PRRC2C: variants seen among roughly 807,000 people sequenced by gnomAD.
PRRC2C encodes protein PRRC2C.
In PRRC2C, 72 loss-of-function variants were observed where a neutral mutation model predicts 317.2. That is an observed-to-expected ratio of 0.23 (90% CI 0.19 to 0.28). PRRC2C has a LOEUF of 0.28. Among genes scored for constraint, PRRC2C ranks in the 10% least tolerant of loss-of-function variants. PRRC2C has a pLI of 1.00. For missense variants in PRRC2C, 3,074 were observed against 3,459.7 expected, an observed-to-expected ratio of 0.89 and a Z score of 2.80; for synonymous variants, 1,296 against 1,205.9, an observed-to-expected ratio of 1.07 and a Z score of -1.55.
chr1:171,546,662 C>G (rs963963731), intron 17 of PRRC2C, among the ~76,000 whole-genome samples: 1 of 152,150 alleles, frequency 6.6e-6, no homozygotes, highest in Non-Finnish European at 1.5e-5. Flanking sequence ...TACAGTGATG[C>G]AATCTCGGCT....
intron 3 of PRRC2C, 140 bp from the exon 4 acceptor site, chr1:171,514,396 G>A: frequency 1.5e-6 from 1 of 659,686 alleles, no homozygotes; most frequent in Non-Finnish European, 2.6e-6. Context: ...GAATGTTGCA[G>A]AGAGAAAACA....
intron 17 of PRRC2C, 22 bp from the exon 18 acceptor site, chr1:171,550,064 A>G: frequency 6.5e-7 from 1 of 1,550,034 alleles, no homozygotes; most frequent in East Asian, 2.3e-5. Flanking sequence ...AAAATATCTT[A>G]AATCCTTTCC....
chr1:171,561,465 A>G lies in PRRC2C; in HGVS notation c.6117+362A>G, dbSNP rs567001573. ...AAGACCCCACCTGGAAAGCAAAACA[A>G]TGCTTATAGCATGCCTCAGAATTAA... On this transcript the variant is annotated intron_variant, in intron 20 of 34. Transcript: ENST00000647382. Among the ~76,000 whole-genome samples, 15 of 152,256 alleles carry G rather than the reference A, an allele frequency of 9.9e-5. 1 individual carries two copies. The South Asian group carries it at 2.3e-3, about 23-fold the overall frequency.
chr1:171,577,751 C>A, intron 26 of PRRC2C, 114 bp downstream of exon 26: 3 of 741,830 alleles, frequency 4.0e-6, no homozygotes, highest in Non-Finnish European at 4.2e-6. Flanking sequence ...AAGTACATTG[C>A]TGTAAATATT....
In PRRC2C at chr1:171,575,059, A is replaced by C. The variant is rs762810309; in HGVS notation, c.6886A>C (p.Asn2296His). The change falls in exon 25 of 35, where the codon AAT becomes CAT. Residue 2296 changes from asparagine (N) to histidine (H), a missense_variant. Around this residue, in one of 11 missense-constraint regions of PRRC2C, gnomAD observed 490 missense variants for 663.1 expected, o/e 0.74. Coordinates refer to ENST00000647382, the MANE Select transcript of PRRC2C (RefSeq NM_001387844.1). ...CAGTGGACCAAGCACTGCTAATTAC[A>C]ATTCGTTCTCAAGTGCATCCATGCC... ...SASGPSTANY[N>H]SFSSASMPQI... 9 of 1,613,720 alleles carry C rather than the reference A, an allele frequency of 5.6e-6. No homozygotes were observed. The Admixed American group carries it at 1.5e-4, about 27-fold the overall frequency.
At chr1:171,528,286 A>ATTTTTTT (rs60053076) in intron 11 of PRRC2C, among the ~76,000 whole-genome samples, 4 of 135,776 alleles carry the variant, frequency 2.9e-5, no homozygotes, top group Non-Finnish European at 4.7e-5. Context: ...CATCAGTGAA[A>ATTTTTTT]TTTTTTTTTT....
chr1:171,574,593 G>A (rs1307629173), intron 24 of PRRC2C, among the ~76,000 whole-genome samples: 1 of 152,162 alleles, frequency 6.6e-6, no homozygotes, highest in East Asian at 1.9e-4. Context: ...CCTGCCATTT[G>A]CCATTTAAGA....
rs184348880 is a variant in PRRC2C, at chr1:171,506,625, C to T, written c.-57-5407C>T. Among the ~76,000 whole-genome samples the T allele has an allele frequency of 9.7e-3, 1,194 of 123,614 alleles. 8 individuals carry two copies. Among genetic ancestry groups the T allele is most frequent in the Non-Finnish European group, 0.016 (969 of 58,784 alleles). 81.1% of individuals were successfully genotyped at this position (123,614 alleles called of 152,430 possible). On this transcript the variant is annotated intron_variant, in intron 1 of 34. Transcript: ENST00000647382. The stretch of plus-strand genomic sequence containing the variant: ...TCTTTTTTTTTTTTTTAAGCTTTTT[C>T]CACTTTATCTTTCCCATTGGATAGC...
At chr1:171,498,939 C>T (rs760146292) in intron 1 of PRRC2C, among the ~76,000 whole-genome samples, 1 of 152,052 alleles carries the variant, frequency 6.6e-6, no homozygotes, top group African/African-American at 2.4e-5. Flanking sequence ...GTAGCTGGGA[C>T]GGGGACTATA....
In PRRC2C at chr1:171,586,613, G is replaced by A. The variant is rs537729342; in HGVS notation, c.7750-390G>A. On this transcript the variant is annotated intron_variant, in intron 30 of 34. Transcript: ENST00000647382. ...TTATTTTATTTTGAGACAGAGTCTCGCTCTGTCGCCAGGCTGGAGTGCAGT... is the reference window on the plus strand; with the variant it reads ...TTATTTTATTTTGAGACAGAGTCTCACTCTGTCGCCAGGCTGGAGTGCAGT... Among the ~76,000 whole-genome samples, 153 of 131,070 alleles carry A rather than the reference G, an allele frequency of 1.2e-3. 1 individual carries two copies. Among genetic ancestry groups the A allele is most frequent in the African/African-American group, 3.4e-3 (118 of 34,418 alleles). The allele number at this position is 131,070 out of a possible 152,430, so 86.0% of individuals were successfully genotyped here. A position where few individuals can be genotyped will look rare whatever the true frequency, so the allele number is the denominator to read the frequency against.
Position 171,535,439 on chromosome 1 carries a change from G to C in PRRC2C, c.1885G>C (p.Val629Leu), listed in dbSNP as rs759304251. Reference sequence around the variant, plus strand: ...TTTTCTTTGAGCAGAGGAGGAACCCGTTTTCACTAGACAAGACAGCAATCG... The same window carrying C: ...TTTTCTTTGAGCAGAGGAGGAACCCCTTTTCACTAGACAAGACAGCAATCG... ...ENSCNKEEEP[V>L]FTRQDSNRSE... is the part of the protein sequence containing the mutation. The change falls in exon 13 of 35, where the codon GTT becomes CTT. Residue 629 changes from valine (V) to leucine (L), a missense_variant. By Grantham distance (32) the Val-to-Leu change is conservative. Transcript: ENST00000647382. The C allele has an allele frequency of 1.2e-6, 2 of 1,612,846 alleles. No individual in the cohort carries two copies. The highest frequency in any genetic ancestry group is 3.3e-5 in the Admixed American group (2 of 59,712).
At chr1:171,587,796 A>G in intron 32 of PRRC2C, 45 bp downstream of exon 32, 2 of 1,383,846 alleles carry the variant, frequency 1.4e-6, no homozygotes, top group African/African-American at 2.8e-5. Context: ...CAATTTGGTC[A>G]CTATTTGTTA....
At chr1:171,538,512 C>T (rs753286917) in intron 15 of PRRC2C, among the ~76,000 whole-genome samples, 4 of 152,076 alleles carry the variant, frequency 2.6e-5, no homozygotes, top group Non-Finnish European at 5.9e-5. Flanking sequence ...GAACTTCCTG[C>T]CCTTTTATGG....
chr1:171,524,318 G>A (rs1197522756), intron 9 of PRRC2C, among the ~76,000 whole-genome samples: 1 of 152,108 alleles, frequency 6.6e-6, no homozygotes, highest in African/African-American at 2.4e-5. Context: ...TATCATAAAA[G>A]TTGGGCTTTT....
At chr1:171,542,968 G>A (rs982926568) in intron 16 of PRRC2C, among the ~76,000 whole-genome samples, 1 of 149,820 alleles carries the variant, frequency 6.7e-6, no homozygotes, top group African/African-American at 2.4e-5. Flanking sequence ...CACTGTGTTA[G>A]CCAGGATGGT....
intron 11 of PRRC2C, among the ~76,000 whole-genome samples, chr1:171,528,843 G>C (rs1327494178): frequency 6.6e-6 from 1 of 151,900 alleles, no homozygotes; most frequent in South Asian, 2.1e-4. Context: ...ACAGGGTCTT[G>C]CTTTGTGGCC....
At chr1:171,553,820 G>T (rs969745526) in intron 18 of PRRC2C, among the ~76,000 whole-genome samples, 3 of 152,162 alleles carry the variant, frequency 2.0e-5, no homozygotes, top group African/African-American at 7.2e-5. Flanking sequence ...TGATTGCACT[G>T]TGGTCTGAGA....
At chr1:171,555,728 G>A (rs543046097) in intron 18 of PRRC2C, among the ~76,000 whole-genome samples, 1 of 152,322 alleles carries the variant, frequency 6.6e-6, no homozygotes, top group Non-Finnish European at 1.5e-5. Context: ...AGGTCCCTCA[G>A]CTGCAGGTCT....
At position 171,557,282 on chromosome 1, in the gene PRRC2C, A is replaced by G; in HGVS notation, c.5170A>G (p.Thr1724Ala). The change falls in exon 19 of 35, where the codon ACT (threonine) becomes GCT (alanine). Residue 1724 changes from threonine to alanine, a missense_variant. This residue lies in a region of PRRC2C where 640 missense variants were observed against 676.1 expected (regional missense o/e 0.95). Coordinates refer to ENST00000647382, the MANE Select transcript of PRRC2C (RefSeq NM_001387844.1). ...TGCAAATGAAAAAGGAAGAAGCCAG[A>G]CTTCTAAGCTTCCTCCAAGATTTGC... ...KNANEKGRSQ[T>A]SKLPPRFAKK... 9 of 1,550,998 alleles carry G rather than the reference A, an allele frequency of 5.8e-6. No individual in the cohort carries two copies. The highest frequency in any genetic ancestry group is 7.8e-6 in the Non-Finnish European group (9 of 1,146,756).
Sources: gnomAD v4.1 joint callset for allele counts (sites outside exome capture counted in the v4.1 genomes callset) on GRCh38, gnomAD v4.1.1 for gene constraint, gnomAD v4.1.1 regional missense constraint, MANE v1.5 for transcripts, NCBI Gene and HGNC (gene_info 2026-07-23, HGNC 2026-07-21) for gene names.